Variants in SLC39A12 observed in about 807,000 individuals in gnomAD.
SLC39A12 encodes the protein zinc transporter ZIP12.
SLC39A12 carries 63 observed loss-of-function variants against 71.1 expected under a neutral mutation model. The observed-to-expected ratio is 0.89, with a 90% CI of 0.72 to 1.09. The LOEUF is 1.09. SLC39A12 is among the 50% of genes least tolerant of loss of function. The probability of loss-of-function intolerance (pLI) is 0.00; values close to 1 mark genes in which losing one functional copy is unlikely to be tolerated. For synonymous variants in SLC39A12, 351 were observed against 301.3 expected (o/e 1.16, Z -1.71); for missense variants, 892 against 812.6 (o/e 1.10, Z -1.19).
chr10:17,979,896 G>A (rs912497867), intron 5 of SLC39A12, among the ~76,000 whole-genome samples: 1 of 152,196 alleles, frequency 6.6e-6, no homozygotes, highest in African/African-American at 2.4e-5. Context: ...TGGGTTCTTG[G>A]AGTGAAAAGT....
intron 2 of SLC39A12, among the ~76,000 whole-genome samples, chr10:17,960,660 C>CG (rs372451747): frequency 1.3e-5 from 2 of 152,068 alleles, no homozygotes; most frequent in African/African-American, 4.8e-5. Flanking sequence ...TTTTACAATA[C>CG]GAGTGCTATG....
chr10:17,967,866 G>A (rs1199410859), intron 4 of SLC39A12, among the ~76,000 whole-genome samples: 4 of 143,878 alleles, frequency 2.8e-5, no homozygotes, highest in African/African-American at 7.9e-5. Context: ...CAGCCTGGGC[G>A]ACAGAGCGAG....
intron 5 of SLC39A12, among the ~76,000 whole-genome samples, chr10:17,979,047 T>C (rs2497828): frequency 0.44 from 67,480 of 152,054 alleles, 15,720 homozygotes; most frequent in East Asian, 0.62. Flanking sequence ...TAGAAACCAC[T>C]GCTTTTGAAT....
At chr10:17,956,382 C>A (rs1834550498) in intron 2 of SLC39A12, among the ~76,000 whole-genome samples, 1 of 151,090 alleles carries the variant, frequency 6.6e-6, no homozygotes, top group African/African-American at 2.5e-5. Flanking sequence ...CATACATGTA[C>A]TTCTTAGGAA....
At chr10:18,020,051 G>T (rs1239494645) in intron 12 of SLC39A12, among the ~76,000 whole-genome samples, 2 of 151,928 alleles carry the variant, frequency 1.3e-5, no homozygotes, top group Admixed American at 6.6e-5. Flanking sequence ...TGGGTAAGGT[G>T]CATATTGTGG....
chr10:18,009,676 C>T (rs948076161), intron 12 of SLC39A12: 1 of 152,242 alleles, frequency 6.6e-6, no homozygotes, highest in Non-Finnish European at 1.5e-5. Context: ...TATCTTCCCT[C>T]TTGTGAGAAG....
intron 12 of SLC39A12, among the ~76,000 whole-genome samples, chr10:18,019,922 T>C (rs1836485572): frequency 6.6e-6 from 1 of 152,114 alleles, no homozygotes; most frequent in African/African-American, 2.4e-5. Flanking sequence ...TATGTCCAAT[T>C]GATTGATGTC....
chr10:17,958,401 C>T (rs1350496127), intron 2 of SLC39A12, among the ~76,000 whole-genome samples: 2 of 152,112 alleles, frequency 1.3e-5, no homozygotes, highest in African/African-American at 4.8e-5. Context: ...TCAACGCTCT[C>T]GTTGTACCAT....
At chr10:17,968,020 C>G (rs529206460) in intron 4 of SLC39A12, among the ~76,000 whole-genome samples, 5 of 150,688 alleles carry the variant, frequency 3.3e-5, no homozygotes, top group African/African-American at 9.7e-5. Context: ...AAATGAGGTC[C>G]TCTTTCATCT....
At chr10:17,967,873 C>T (rs887484269) in intron 4 of SLC39A12, among the ~76,000 whole-genome samples, 2 of 134,306 alleles carry the variant, frequency 1.5e-5, no homozygotes, top group African/African-American at 5.9e-5. Context: ...GGCGACAGAG[C>T]GAGACTCCGC....
At chr10:17,996,852 G>C (rs1320199946) in intron 10 of SLC39A12, among the ~76,000 whole-genome samples, 1 of 151,898 alleles carries the variant, frequency 6.6e-6, no homozygotes, top group Non-Finnish European at 1.5e-5. Context: ...CAAAAAATTA[G>C]CAGGGCGTAG....
At chr10:17,961,904 C>T in intron 3 of SLC39A12, 42 bp downstream of exon 3, 1 of 1,573,060 alleles carries the variant, frequency 6.4e-7, no homozygotes, top group Admixed American at 1.8e-5. Context: ...TGCTAAGATA[C>T]AGTTCTAGAG....
chr10:18,017,677 A>G (rs1215846295), intron 12 of SLC39A12, among the ~76,000 whole-genome samples: 1 of 152,176 alleles, frequency 6.6e-6, no homozygotes, highest in Non-Finnish European at 1.5e-5. Flanking sequence ...TTACTCCTTT[A>G]TCAAAGATCA....
intron 4 of SLC39A12, among the ~76,000 whole-genome samples, chr10:17,969,810 T>C (rs1359191274): frequency 6.6e-6 from 1 of 152,174 alleles, no homozygotes; most frequent in Non-Finnish European, 1.5e-5. Context: ...TTGTCCACTT[T>C]TAGTTTGATT....
At chr10:18,021,151 G>A (rs559065633) in intron 12 of SLC39A12, among the ~76,000 whole-genome samples, 2 of 151,844 alleles carry the variant, frequency 1.3e-5, no homozygotes, top group Non-Finnish European at 2.9e-5. Flanking sequence ...TTTGTATATG[G>A]TGAAAGGGGA....
At position 17,956,142 on chromosome 10, in the gene SLC39A12, T is replaced by C. The variant is rs576071682; in HGVS notation, c.261+2605T>C. On this transcript the variant is annotated intron_variant, in intron 2 of 12. Transcript: ENST00000377369. Reference sequence around the variant, plus strand: ...TATATATGTGCCCCTGAGGGAGATATCTGTGAAAATCACACGGACATGTGT... The same window carrying C: ...TATATATGTGCCCCTGAGGGAGATACCTGTGAAAATCACACGGACATGTGT... Among the ~76,000 whole-genome samples the C allele has an allele frequency of 7.9e-5, 12 of 152,238 alleles. 1 individual carries two copies. Among genetic ancestry groups the C allele is most frequent in the African/African-American group, 2.4e-4 (10 of 41,550 alleles).
rs1451915589 is a variant in SLC39A12 at position 17,998,829 on chromosome 10, C to T, written c.1601-1838C>T. Among the ~76,000 whole-genome samples, 3 of 152,082 alleles carry T rather than the reference C, an allele frequency of 2.0e-5. No individual in the cohort carries two copies. The East Asian group carries it at 5.8e-4, about 29-fold the overall frequency. ...ATGATATGAATCAAATCATATTCCC[C>T]AAATAAGATGGCAAACCACATTATA... is the stretch of plus-strand genomic sequence containing the variant. On this transcript the variant is annotated intron_variant, in intron 10 of 12. Coordinates refer to ENST00000377369, the MANE Select transcript of SLC39A12 (RefSeq NM_001145195.2).
At chr10:18,038,697 C>T (rs571893403) in intron 12 of SLC39A12, among the ~76,000 whole-genome samples, 3 of 152,028 alleles carry the variant, frequency 2.0e-5, no homozygotes, top group Non-Finnish European at 2.9e-5. Context: ...ATAACTGGGA[C>T]ATGTTTTGGA....
At chr10:18,030,057 A>T (rs1836792756) in intron 12 of SLC39A12, among the ~76,000 whole-genome samples, 1 of 150,760 alleles carries the variant, frequency 6.6e-6, no homozygotes, top group Admixed American at 6.6e-5. Flanking sequence ...ATCCATAATC[A>T]TACTAAAAAG....
Sources: gnomAD v4.1 joint callset for allele counts (sites outside exome capture counted in the v4.1 genomes callset) on GRCh38, gnomAD v4.1.1 for gene constraint, MANE v1.5 for transcripts, NCBI Gene and HGNC (gene_info 2026-07-23, HGNC 2026-07-21) for gene names.